NPR1: variants seen among roughly 807,000 people sequenced by gnomAD.
The protein encoded by NPR1 is atrial natriuretic peptide receptor 1.
NPR1 carries 57 observed loss-of-function variants against 116.9 expected under a neutral mutation model. The ratio of observed to expected loss-of-function variants is 0.49; its 90% CI spans 0.39 to 0.61. The LOEUF is 0.61. Ranked by LOEUF, NPR1 falls within the 20% of genes least tolerant of loss-of-function variation. The pLI, the probability that NPR1 is intolerant of heterozygous loss-of-function variation, is 0.00. For synonymous variants in NPR1, 555 were observed against 601.6 expected (o/e 0.92, Z 1.13); for missense variants, 1,096 against 1,409.8 (o/e 0.78, Z 3.56).
chr1:153,684,930 A>G, intron 7 of NPR1, 34 bp from the exon 8 acceptor site: 1 of 1,611,744 alleles, frequency 6.2e-7, no homozygotes, highest in Non-Finnish European at 8.5e-7. Context: ...TCAGCGGCTC[A>G]GCCACAGGCT....
At chr1:153,690,129 TCTCTCTCTCTCTCACA>T (rs1248979169) in intron 19 of NPR1, 139 bp from the exon 20 acceptor site, 13 of 602,372 alleles carry the variant, frequency 2.2e-5, no homozygotes, top group South Asian at 8.6e-5. Context: ...TCTCTCTCTC[TCTCTCTCTCTCTCACA>T]CACACACACA....
At chr1:153,688,550 G>C (rs1363088493) in intron 15 of NPR1, among the ~76,000 whole-genome samples, 1 of 152,026 alleles carries the variant, frequency 6.6e-6, no homozygotes, top group Non-Finnish European at 1.5e-5. Context: ...GTAGGCTCTT[G>C]GCCCTCCACG....
intron 3 of NPR1, 91 bp downstream of exon 3, chr1:153,681,384 C>G (rs567701726): frequency 2.1e-5 from 16 of 775,776 alleles, no homozygotes; most frequent in Non-Finnish European, 2.9e-5. Context: ...ATTCCCAGTT[C>G]TCCCCTTCCT....
intron 20 of NPR1, 44 bp downstream of exon 20, chr1:153,690,426 T>C (rs1258245039): frequency 1.4e-6 from 2 of 1,438,678 alleles, no homozygotes; most frequent in Non-Finnish European, 1.9e-6. Context: ...GCAGGGTGGC[T>C]GAGGGAAATG....
rs2101734459 is a variant in NPR1, at chr1:153,686,116, T to C, written c.1681-7T>C. On this transcript the variant is annotated splice_polypyrimidine_tract_variant and splice_region_variant and intron_variant, in intron 9 of 21. Transcript: ENST00000368680. Reference sequence around the variant, plus strand: ...CTTCACAGTGACAGTCTCCATTCCATGCCCAGGGCAACCTCGTGGCTGTGA... The same window carrying C: ...CTTCACAGTGACAGTCTCCATTCCACGCCCAGGGCAACCTCGTGGCTGTGA... 3.7e-6 allele frequency: 6 copies of C among 1,613,774 alleles called. No homozygotes were observed. The highest frequency in any genetic ancestry group is 2.2e-5 in the East Asian group (1 of 44,878).
Position 153,683,838 on chromosome 1 carries a change from T to TG in NPR1, c.1484+20dup, listed in dbSNP as rs748091586. 4 of 1,610,746 alleles carry TG rather than the reference T, an allele frequency of 2.5e-6. No individual in the cohort carries two copies. Among genetic ancestry groups the TG allele is most frequent in the Non-Finnish European group, 3.4e-6 (4 of 1,178,476 alleles). ...CTTCATATACAGGTGAGCTGTGATGTGGGGGGTTGAGTGAGGCTGGGGGAC... is the reference window on the plus strand; with the variant it reads ...CTTCATATACAGGTGAGCTGTGATGTGGGGGGGTTGAGTGAGGCTGGGGGAC... On this transcript the variant is annotated intron_variant, in intron 7 of 21. Coordinates refer to ENST00000368680, the MANE Select transcript of NPR1 (RefSeq NM_000906.4).
chr1:153,687,679 CT>C lies in NPR1; in HGVS notation c.2139del (p.Val714CysfsTer21), dbSNP rs1297978390. The C allele has an allele frequency of 6.2e-7, 1 of 1,605,122 alleles. No individual in the cohort carries two copies. Among genetic ancestry groups the C allele is most frequent in the Non-Finnish European group, 8.5e-7 (1 of 1,172,958 alleles). ...APELLRMASP[P>X]VRGSQAGDVY... is the part of the protein sequence containing the mutation. Reference sequence around the variant, plus strand: ...GAGCTCCTGCGAATGGCTTCACCCCCTGTGCGGGGCTCCCAGGCTGGTGACG... The same window carrying C: ...GAGCTCCTGCGAATGGCTTCACCCCCGTGCGGGGCTCCCAGGCTGGTGACG... On this transcript the variant is annotated frameshift_variant, in exon 14 of 22. Transcript: ENST00000368680. LOFTEE classifies it high-confidence loss of function.
intron 20 of NPR1, 60 bp downstream of exon 20, chr1:153,690,442 C>G (rs1030440345): frequency 1.6e-6 from 2 of 1,283,424 alleles, no homozygotes; most frequent in Middle Eastern, 1.9e-4. Flanking sequence ...AAATGCCATC[C>G]TGGGGCAGCC....
In NPR1 at chr1:153,689,094, G is replaced by A; in HGVS notation, c.2559G>A (p.Leu853=). 6.2e-7 allele frequency: 1 copy of A among 1,614,180 alleles called. No individual in the cohort carries two copies. The highest frequency in any genetic ancestry group is 8.5e-7 in the Non-Finnish European group (1 of 1,180,024). Residue 853 remains leucine, a synonymous_variant, in exon 16 of 22, where the codon CTG becomes CTA. Transcript: ENST00000368680. The surrounding 1 kb of genome is among the most constrained non-coding windows in gnomAD (Gnocchi z 5.1). ...RKAEALLYQI[L]PHSVAEQLKR... is the part of the protein sequence containing the mutation. Reference sequence around the variant, plus strand: ...CTGAGGCCCTGCTCTACCAGATCCTGCCTCAGTGAGTGCCTGAGTCTGGGG... The same window carrying A: ...CTGAGGCCCTGCTCTACCAGATCCTACCTCAGTGAGTGCCTGAGTCTGGGG...
rs770160107 is a variant in NPR1, at chr1:153,681,695, C to A, written c.1036-9C>A. 2.5e-6 allele frequency: 4 copies of A among 1,613,292 alleles called. No individual in the cohort carries two copies. The Admixed American group carries it at 6.7e-5, about 27-fold the overall frequency. On this transcript the variant is annotated splice_polypyrimidine_tract_variant and intron_variant, in intron 3 of 21. Coordinates refer to ENST00000368680, the MANE Select transcript of NPR1 (RefSeq NM_000906.4). The stretch of plus-strand genomic sequence containing the variant: ...GCCCACCCCAGCCGACCTCTGTTTG[C>A]CCCTACAGGTGAACACCATCCCAGC...
In NPR1 at chr1:153,685,855, T is replaced by C; in HGVS notation, c.1655T>C (p.Val552Ala). 1 of 1,613,944 alleles carries C rather than the reference T, an allele frequency of 6.2e-7. No individual in the cohort carries two copies. The highest frequency in any genetic ancestry group is 2.2e-5 in the East Asian group (1 of 44,870). ...CTAACCACAGAGGGCCAGTTCCAAGTCTTTGCCAAGACAGCATATTATAAG... is the reference window on the plus strand; with the variant it reads ...CTAACCACAGAGGGCCAGTTCCAAGCCTTTGCCAAGACAGCATATTATAAG... ...SLLTTEGQFQ[V>A]FAKTAYYKGN... Residue 552 changes from valine to alanine, a missense_variant, in exon 9 of 22, where the codon GTC (valine) becomes GCC (alanine). Val to Ala is a moderately conservative substitution (Grantham distance 64). Transcript: ENST00000368680.
chr1:153,691,390 A>T (rs1303023112), intron 20 of NPR1, among the ~76,000 whole-genome samples: 1 of 152,188 alleles, frequency 6.6e-6, no homozygotes, highest in Non-Finnish European at 1.5e-5. Context: ...ACTGAGTGCC[A>T]GGCCCTGGGA....
intron 14 of NPR1, 127 bp downstream of exon 14, chr1:153,687,916 C>T (rs1669976648): frequency 8.8e-7 from 1 of 1,142,742 alleles, no homozygotes; most frequent in Admixed American, 2.3e-5. Context: ...ACCCTTTGAC[C>T]CATTGCTGCC....
intron 8 of NPR1, 130 bp downstream of exon 8, chr1:153,685,214 C>G: frequency 1.6e-6 from 2 of 1,233,042 alleles, no homozygotes; most frequent in Non-Finnish European, 1.1e-6. Context: ...TGACCTTGAG[C>G]GACTCATAGT....
intron 7 of NPR1, among the ~76,000 whole-genome samples, chr1:153,684,393 T>C (rs1017800117): frequency 1.5e-5 from 2 of 137,038 alleles, no homozygotes; most frequent in Admixed American, 7.3e-5. Flanking sequence ...TTTCTTTTTT[T>C]TTTTTTTTTT....
Position 153,689,459 on chromosome 1 carries a change from A to G in NPR1, c.2695A>G (p.Thr899Ala). 6.2e-7 allele frequency: 1 copy of G among 1,613,932 alleles called. No homozygotes were observed. The highest frequency in any genetic ancestry group is 8.5e-7 in the Non-Finnish European group (1 of 1,179,970). ...SAESTPMQVV[T>A]LLNDLYTCFD... Reference sequence around the variant, plus strand: ...AGCTTCTCTTCCCTTCCAGGTGGTGACCCTGCTCAATGACCTGTACACTTG... The same window carrying G: ...AGCTTCTCTTCCCTTCCAGGTGGTGGCCCTGCTCAATGACCTGTACACTTG... Residue 899 changes from threonine (T) to alanine (A), a missense_variant, in exon 18 of 22, where the codon ACC (threonine) becomes GCC (alanine). By Grantham distance (58) the Thr-to-Ala change is moderately conservative. Coordinates refer to ENST00000368680, the MANE Select transcript of NPR1 (RefSeq NM_000906.4). The surrounding 1 kb of genome is among the most constrained non-coding windows in gnomAD (Gnocchi z 5.1).
intron 12 of NPR1, 37 bp from the exon 13 acceptor site, chr1:153,687,163 A>G (rs370564687): frequency 7.1e-5 from 115 of 1,613,354 alleles, no homozygotes; most frequent in Middle Eastern, 3.3e-4. Flanking sequence ...TGTAGGTCCC[A>G]CTCCTGGCCA....
chr1:153,687,761 C>T lies in NPR1; in HGVS notation c.2220C>T (p.His740=), dbSNP rs756718149. ...TTGCCCTGAGGAGTGGGGTCTTCCA[C>T]GTGGAAGGTTTGGACCTGAGCCCCA... ...QEIALRSGVF[H]VEGLDLSPKE... is the part of the protein sequence containing the mutation. Residue 740 remains histidine, a synonymous_variant, in exon 14 of 22, where the codon CAC becomes CAT. Coordinates refer to ENST00000368680, the MANE Select transcript of NPR1 (RefSeq NM_000906.4). 7.5e-6 allele frequency: 12 copies of T among 1,598,590 alleles called. No individual in the cohort carries two copies. The Admixed American group carries it at 1.0e-4, about 13-fold the overall frequency.
chr1:153,681,140 C>A, intron 2 of NPR1, 40 bp from the exon 3 acceptor site: 1 of 1,271,170 alleles, frequency 7.9e-7, no homozygotes, highest in Non-Finnish European at 1.2e-6. Context: ...AGGGAATAGT[C>A]AGCTCCCAAC....
Sources: allele counts gnomAD v4.1 joint callset (sites outside exome capture counted in the v4.1 genomes callset), GRCh38; gene constraint gnomAD v4.1.1; non-coding constraint Gnocchi (gnomAD v3.1); transcripts MANE v1.5; gene names NCBI Gene and HGNC (gene_info 2026-07-23, HGNC 2026-07-21).